Variants in RNF2 observed in about 807,000 individuals in gnomAD.
RNF2 encodes ring finger protein 2, also known as E3 ubiquitin-protein ligase RING2.
Under a neutral mutation model 37.2 loss-of-function variants are expected in RNF2, and 6 were observed. The observed-to-expected ratio is 0.16, with a 90% CI of 0.09 to 0.32. The LOEUF (loss-of-function observed/expected upper bound fraction) is 0.32. RNF2 is among the 10% of genes least tolerant of loss of function. RNF2 has a pLI of 1.00. For synonymous variants in RNF2, 133 were observed against 132.7 expected (o/e 1.00, Z -0.02); for missense variants, 251 against 404.0 (o/e 0.62, Z 3.25).
intron 1 of RNF2, among the ~76,000 whole-genome samples, chr1:185,053,664 A>G (rs916970793): frequency 2.0e-5 from 3 of 151,874 alleles, no homozygotes; most frequent in Non-Finnish European, 4.4e-5. Flanking sequence ...GAATTTTATT[A>G]TTTGCATTTT....
chr1:185,086,521 G>C (rs1415288867), intron 1 of RNF2, among the ~76,000 whole-genome samples: 1 of 152,106 alleles, frequency 6.6e-6, no homozygotes, highest in Non-Finnish European at 1.5e-5. Context: ...TGTCAAATGG[G>C]GAACAATAGG....
At chr1:185,092,170 C>G (rs1651785304) in intron 3 of RNF2, among the ~76,000 whole-genome samples, 2 of 150,780 alleles carry the variant, frequency 1.3e-5, no homozygotes, top group Admixed American at 1.3e-4. Context: ...TCTTCTTTCC[C>G]CTTTCCCCTT....
intron 1 of RNF2, among the ~76,000 whole-genome samples, chr1:185,062,918 T>C (rs1329584930): frequency 7.2e-5 from 11 of 152,110 alleles, no homozygotes; most frequent in African/African-American, 2.4e-4. Flanking sequence ...CTCCCACTTA[T>C]CAGATTGGGC....
intron 1 of RNF2, among the ~76,000 whole-genome samples, chr1:185,073,430 C>A (rs1651047828): frequency 6.6e-6 from 1 of 152,146 alleles, no homozygotes; most frequent in Non-Finnish European, 1.5e-5. Flanking sequence ...GACTGTTATT[C>A]TTTTATTCAG....
Position 185,101,368 on chromosome 1 carries a change from A to C in RNF2, c.*1067A>C, listed in dbSNP as rs1259006193. ...TTTAATTACACTCTGTAGAAGGTTA[A>C]TAGAGCTTGAGCCCTGCTTTAATAT... On this transcript the variant is annotated 3_prime_UTR_variant, in exon 7 of 7. Transcript: ENST00000367510. The C allele has an allele frequency of 6.6e-6, 1 of 152,548 alleles. No homozygotes were observed. Among genetic ancestry groups the C allele is most frequent in the East Asian group, 1.9e-4 (1 of 5,198 alleles). 9.4% of individuals were successfully genotyped at this position (152,548 alleles called of 1,614,324 possible).
In RNF2 at chr1:185,101,832, G is replaced by GTTTTTTTTTTTTTTTTTTTT. The variant is rs768356678; in HGVS notation, c.*1534_*1553dup. 1 of 97,878 alleles carries GTTTTTTTTTTTTTTTTTTTT rather than the reference G, an allele frequency of 1.0e-5. No homozygotes were observed. The highest frequency in any genetic ancestry group is 1.9e-5 in the Non-Finnish European group (1 of 51,830). The allele number at this position is 97,878 out of a possible 1,614,324, so 6.1% of individuals were successfully genotyped here. ...AATATTTAAAATCTGTTTTTACAGGGTTTTTTTTTTTTTTTTTTTTTTGTA... is the reference window on the plus strand; with the variant it reads ...AATATTTAAAATCTGTTTTTACAGGGTTTTTTTTTTTTTTTTTTTTTTTTTTTTTTTTTTTTTTTTTTGTA... On this transcript the variant is annotated 3_prime_UTR_variant, in exon 7 of 7. Coordinates refer to ENST00000367510, the MANE Select transcript of RNF2 (RefSeq NM_007212.4).
chr1:185,051,817 TAC>T (rs757523071), intron 1 of RNF2, among the ~76,000 whole-genome samples: 26 of 150,082 alleles, frequency 1.7e-4, no homozygotes, highest in East Asian at 1.4e-3. Flanking sequence ...TACATATATA[TAC>T]ACACATTTTA....
intron 1 of RNF2, among the ~76,000 whole-genome samples, chr1:185,066,282 C>G (rs150978129): frequency 4.9e-4 from 75 of 152,318 alleles, no homozygotes; most frequent in Admixed American, 1.1e-3. Context: ...CAGCCTCACC[C>G]TGTGCTGAGG....
intron 1 of RNF2, among the ~76,000 whole-genome samples, chr1:185,085,814 C>T (rs755760055): frequency 3.9e-4 from 59 of 152,036 alleles, no homozygotes; most frequent in Non-Finnish European, 7.1e-4. Flanking sequence ...CCACCACACC[C>T]GGCTAATTTT....
chr1:185,101,749 C>G lies in RNF2; in HGVS notation c.*1448C>G, dbSNP rs948175883. On this transcript the variant is annotated 3_prime_UTR_variant, in exon 7 of 7. Coordinates refer to ENST00000367510, the MANE Select transcript of RNF2 (RefSeq NM_007212.4). Reference sequence around the variant, plus strand: ...TTGGGGCCAGCTTGATGTTTTAAATCTTCAGCCCGGTATGAAAACTTAAAG... The same window carrying G: ...TTGGGGCCAGCTTGATGTTTTAAATGTTCAGCCCGGTATGAAAACTTAAAG... 6.7e-6 allele frequency: 1 copy of G among 150,008 alleles called. No individual in the cohort carries two copies. The allele number at this position is 150,008 out of a possible 1,614,324, so 9.3% of individuals were successfully genotyped here. A position where few individuals can be genotyped will look rare whatever the true frequency, so the allele number is the denominator to read the frequency against.
chr1:185,047,389 T>A (rs377635622), intron 1 of RNF2, among the ~76,000 whole-genome samples: 1 of 152,246 alleles, frequency 6.6e-6, no homozygotes, highest in Admixed American at 6.5e-5. Context: ...TCTGCCTGTG[T>A]GAAGCTCCCA....
chr1:185,067,470 G>A (rs1215449780), intron 1 of RNF2, among the ~76,000 whole-genome samples: 2 of 152,088 alleles, frequency 1.3e-5, no homozygotes, highest in Non-Finnish European at 2.9e-5. Context: ...TTACATTTGT[G>A]TAATATAACA....
chr1:185,101,427 C>T lies in RNF2; in HGVS notation c.*1126C>T, dbSNP rs1023470555. On this transcript the variant is annotated 3_prime_UTR_variant, in exon 7 of 7. Coordinates refer to ENST00000367510, the MANE Select transcript of RNF2 (RefSeq NM_007212.4). ...AGATAATTCTGTAGAAAAACGTCAGCCAGTAGGGTAAAGTCATTCTACTGT... is the reference window on the plus strand; with the variant it reads ...AGATAATTCTGTAGAAAAACGTCAGTCAGTAGGGTAAAGTCATTCTACTGT... 1 of 152,460 alleles carries T rather than the reference C, an allele frequency of 6.6e-6. No homozygotes were observed. Among genetic ancestry groups the T allele is most frequent in the Non-Finnish European group, 1.5e-5 (1 of 67,958 alleles). The allele number at this position is 152,460 out of a possible 1,614,324, so 9.4% of individuals were successfully genotyped here. A position where few individuals can be genotyped will look rare whatever the true frequency, so the allele number is the denominator to read the frequency against.
At chr1:185,057,201 C>T (rs1014428757) in intron 1 of RNF2, among the ~76,000 whole-genome samples, 5 of 152,096 alleles carry the variant, frequency 3.3e-5, no homozygotes, top group Non-Finnish European at 2.9e-5. Context: ...GTCCCAGTTA[C>T]TAGGCAGGCT....
intron 1 of RNF2, among the ~76,000 whole-genome samples, chr1:185,069,475 AG>A (rs1410298689): frequency 4.7e-4 from 71 of 150,702 alleles, no homozygotes; most frequent in African/African-American, 1.5e-3. Context: ...AAAAAAAAAA[AG>A]AAATGCAGAA....
At position 185,101,056 on chromosome 1, in the gene RNF2, A is replaced by G. The variant is rs556378814; in HGVS notation, c.*755A>G. The G allele has an allele frequency of 8.6e-4, 132 of 152,638 alleles. No homozygotes were observed. Among genetic ancestry groups the G allele is most frequent in the African/African-American group, 3.0e-3 (124 of 41,558 alleles). The allele number at this position is 152,638 out of a possible 1,614,324, so 9.5% of individuals were successfully genotyped here. On this transcript the variant is annotated 3_prime_UTR_variant, in exon 7 of 7. Coordinates refer to ENST00000367510, the MANE Select transcript of RNF2 (RefSeq NM_007212.4). ...TGGTAGTAAAATATAGTCTTCAAGT[A>G]TACGTTTGAGAGTGCTTTTTTTTGT...
chr1:185,055,829 A>G (rs944219720), intron 1 of RNF2, among the ~76,000 whole-genome samples: 29 of 151,908 alleles, frequency 1.9e-4, no homozygotes, highest in African/African-American at 6.1e-4. Context: ...TTATGAACCT[A>G]TCCTTTTGTC....
chr1:185,097,567 A>C (rs1049721844), intron 4 of RNF2, among the ~76,000 whole-genome samples: 2 of 152,234 alleles, frequency 1.3e-5, no homozygotes, highest in Admixed American at 1.3e-4. Context: ...ATAGCGTCTT[A>C]CTCTGGCCCA....
intron 1 of RNF2, among the ~76,000 whole-genome samples, chr1:185,084,871 A>G (rs925728688): frequency 2.0e-5 from 3 of 152,224 alleles, no homozygotes; most frequent in African/African-American, 7.2e-5. Context: ...GCTGGGGCCT[A>G]TGACTGAATA....
Sources: gnomAD v4.1 joint callset for allele counts (sites outside exome capture counted in the v4.1 genomes callset) on GRCh38, gnomAD v4.1.1 for gene constraint, MANE v1.5 for transcripts, NCBI Gene and HGNC (gene_info 2026-07-23, HGNC 2026-07-21) for gene names.